STAG1: variants seen among roughly 807,000 people sequenced by gnomAD.
STAG1 encodes the protein cohesin subunit SA-1.
A neutral mutation model predicts 170.9 loss-of-function variants in STAG1; 26 were observed. That is an observed-to-expected ratio of 0.15 (90% CI 0.11 to 0.21). The LOEUF is 0.21. Ranked by LOEUF, STAG1 falls within the 10% of genes least tolerant of loss-of-function variation. STAG1 has a pLI of 1.00. For synonymous variants in STAG1, 514 were observed against 497.7 expected, an observed-to-expected ratio of 1.03 and a Z score of -0.44; for missense variants, 964 against 1,509.5, an observed-to-expected ratio of 0.64 and a Z score of 5.99.
At chr3:136,419,743 A>G (rs2087894698) in intron 20 of STAG1, among the ~76,000 whole-genome samples, 1 of 151,484 alleles carries the variant, frequency 6.6e-6, no homozygotes, top group South Asian at 2.1e-4. Flanking sequence ...GATTACAGGC[A>G]TAAGCCACCA....
chr3:136,478,169 T>G (rs532690706), intron 9 of STAG1, among the ~76,000 whole-genome samples: 2 of 152,304 alleles, frequency 1.3e-5, no homozygotes, highest in Non-Finnish European at 2.9e-5. Flanking sequence ...CACAGGTCTT[T>G]CATCTGTAAT....
intron 21 of STAG1, among the ~76,000 whole-genome samples, chr3:136,413,525 C>T (rs2087688408): frequency 6.6e-6 from 1 of 151,762 alleles, no homozygotes; most frequent in Non-Finnish European, 1.5e-5. Context: ...ATGGCGTGAT[C>T]TTGGCTCACC....
chr3:136,378,358 T>C (rs911518004), intron 22 of STAG1, among the ~76,000 whole-genome samples: 13 of 152,212 alleles, frequency 8.5e-5, no homozygotes, highest in African/African-American at 2.7e-4. Flanking sequence ...TTTAATTAGA[T>C]GGCCAGATAA....
intron 13 of STAG1, among the ~76,000 whole-genome samples, chr3:136,458,732 G>T (rs546649002): frequency 6.6e-6 from 1 of 151,854 alleles, no homozygotes; most frequent in South Asian, 2.1e-4. Flanking sequence ...ATATAAAGTG[G>T]CTGAAACGAT....
At chr3:136,749,953 TATAAAG>T (rs1935143644) in intron 1 of STAG1, among the ~76,000 whole-genome samples, 1 of 150,364 alleles carries the variant, frequency 6.7e-6, no homozygotes, top group Admixed American at 6.6e-5. Context: ...TAAATAAAGA[TATAAAG>T]ATACAGGACA....
At chr3:136,636,627 T>C (rs746316761) in intron 1 of STAG1, among the ~76,000 whole-genome samples, 37 of 152,198 alleles carry the variant, frequency 2.4e-4, no homozygotes, top group Non-Finnish European at 3.7e-4. Context: ...AATTTTAGCA[T>C]AGGCTAACTG....
chr3:136,600,929 C>T (rs1327641792), intron 4 of STAG1, among the ~76,000 whole-genome samples: 1 of 151,926 alleles, frequency 6.6e-6, no homozygotes, highest in Admixed American at 6.6e-5. Flanking sequence ...CTTCCTCTGT[C>T]GCCAAGGCTG....
chr3:136,469,558 C>A (rs1324954721), intron 12 of STAG1, among the ~76,000 whole-genome samples: 5 of 152,198 alleles, frequency 3.3e-5, no homozygotes, highest in African/African-American at 9.7e-5. Flanking sequence ...GGCCATACTG[C>A]CCAAGGTAAT....
intron 1 of STAG1, among the ~76,000 whole-genome samples, chr3:136,673,075 A>C (rs560911467): frequency 4.1e-4 from 62 of 152,250 alleles, no homozygotes; most frequent in Non-Finnish European, 8.1e-4. Flanking sequence ...ATTCTTTTCT[A>C]CTGGATTGAA....
chr3:136,696,545 T>C (rs1410209084), intron 1 of STAG1, among the ~76,000 whole-genome samples: 1 of 151,908 alleles, frequency 6.6e-6, no homozygotes, highest in Admixed American at 6.6e-5. Flanking sequence ...TGAGTGATAA[T>C]GAGTCAGTGT....
At chr3:136,370,274 CAT>C (rs767271212) in intron 23 of STAG1, among the ~76,000 whole-genome samples, 36 of 152,152 alleles carry the variant, frequency 2.4e-4, no homozygotes, top group Non-Finnish European at 4.4e-4. Context: ...TCCAATGAGA[CAT>C]GTGGGAGGTG....
intron 15 of STAG1, among the ~76,000 whole-genome samples, chr3:136,438,831 T>C (rs2088538917): frequency 6.6e-6 from 1 of 152,114 alleles, no homozygotes; most frequent in Admixed American, 6.6e-5. Context: ...AATCTTATTA[T>C]TTACAGCTAC....
chr3:136,653,694 T>C (rs1263992396), intron 1 of STAG1, among the ~76,000 whole-genome samples: 1 of 152,094 alleles, frequency 6.6e-6, no homozygotes, highest in African/African-American at 2.4e-5. Flanking sequence ...GCTGACTGGG[T>C]CCAGAGTACA....
intron 4 of STAG1, among the ~76,000 whole-genome samples, chr3:136,589,168 G>A (rs1938014094): frequency 6.6e-6 from 1 of 152,058 alleles, no homozygotes; most frequent in South Asian, 2.1e-4. Flanking sequence ...TGGGATTACA[G>A]GCATGAGCCA....
At chr3:136,677,890 CATATATATAATATATATT>C (rs1226350554) in intron 1 of STAG1, among the ~76,000 whole-genome samples, 1 of 146,522 alleles carries the variant, frequency 6.8e-6, no homozygotes, top group African/African-American at 2.5e-5. Context: ...ATATATATAT[CATATATATAATATATATT>C]ATATATATTT....
chr3:136,525,544 C>T (rs1047634050), intron 6 of STAG1, among the ~76,000 whole-genome samples: 1 of 152,034 alleles, frequency 6.6e-6, no homozygotes, highest in African/African-American at 2.4e-5. Context: ...TTCAAAAAAC[C>T]AGCTCCTAGA....
At chr3:136,501,853 T>C (rs1933496160) in intron 8 of STAG1, among the ~76,000 whole-genome samples, 1 of 152,178 alleles carries the variant, frequency 6.6e-6, no homozygotes, top group African/African-American at 2.4e-5. Flanking sequence ...TAAGATTTTA[T>C]GTAGTATTGG....
At position 136,523,753 on chromosome 3, in the gene STAG1, T is replaced by C. The variant is rs189011348; in HGVS notation, c.472-2336A>G. On this transcript the variant is annotated intron_variant, in intron 6 of 33. Coordinates refer to ENST00000383202, the MANE Select transcript of STAG1 (RefSeq NM_005862.3). ...GTCTAACATGTAAGTCTTTAATTCA[T>C]CTTGAATTAATTTTTGTATAAAGTA... Among the ~76,000 whole-genome samples, 433 of 152,322 alleles carry C rather than the reference T, an allele frequency of 2.8e-3. 2 individuals carry two copies. Among genetic ancestry groups the C allele is most frequent in the South Asian group, 5.8e-3 (28 of 4,826 alleles).
intron 29 of STAG1, among the ~76,000 whole-genome samples, chr3:136,347,197 A>T (rs773660633): frequency 1.1e-4 from 17 of 151,678 alleles, no homozygotes; most frequent in Non-Finnish European, 2.4e-4. Flanking sequence ...GGAGTTCGAG[A>T]CCAGCCTGGC....
Sources: gnomAD v4.1 joint callset for allele counts (sites outside exome capture counted in the v4.1 genomes callset) on GRCh38, gnomAD v4.1.1 for gene constraint, MANE v1.5 for transcripts, NCBI Gene and HGNC (gene_info 2026-07-23, HGNC 2026-07-21) for gene names.